The following ASB6 variants were observed in gnomAD, a reference collection of about 807,000 sequenced individuals.
The protein encoded by ASB6 is ankyrin repeat and SOCS box containing 6.
A neutral mutation model predicts 28.6 loss-of-function variants in ASB6; 24 were observed. The observed-to-expected ratio is 0.84, with a 90% CI of 0.61 to 1.18. ASB6 has a LOEUF of 1.18. Ranked by LOEUF, ASB6 falls within the 50% of genes most tolerant of loss-of-function variation. The pLI is 0.00. For synonymous variants in ASB6, 267 were observed against 243.4 expected, an observed-to-expected ratio of 1.10 and a Z score of -0.90; for missense variants, 519 against 559.8, an observed-to-expected ratio of 0.93 and a Z score of 0.74.
At chr9:129,639,578 C>T in intron 2 of ASB6, 70 bp from the exon 3 acceptor site, 1 of 1,370,626 alleles carries the variant, frequency 7.3e-7, no homozygotes, top group Non-Finnish European at 1.0e-6. Context: ...GGACCCAGAG[C>T]CCAGCCCCAA....
chr9:129,639,717 TGGG>T (rs1831647205), intron 2 of ASB6, among the ~76,000 whole-genome samples: 1 of 152,194 alleles, frequency 6.6e-6, no homozygotes, highest in African/African-American at 2.4e-5. Context: ...CTGAAGCTGT[TGGG>T]GGCTTTAGTT....
intron 1 of ASB6, among the ~76,000 whole-genome samples, chr9:129,641,571 G>A (rs575100398): frequency 6.6e-6 from 1 of 152,366 alleles, no homozygotes; most frequent in East Asian, 1.9e-4. Flanking sequence ...AGGCCTCACG[G>A]ATTCCACCCT....
chr9:129,640,765 CG>C, intron 1 of ASB6, 43 bp from the exon 2 acceptor site: 1 of 1,608,056 alleles, frequency 6.2e-7, no homozygotes, highest in Non-Finnish European at 8.5e-7. Flanking sequence ...GCTGTGGGAC[CG>C]GGTGACCGCG....
rs145932765 is a variant in ASB6, at chr9:129,637,992, G to T, written c.1064C>A (p.Ala355Glu). Residue 355 changes from alanine (A) to glutamate (E), a missense_variant, in exon 6 of 6, where the codon GCG becomes GAG. By Grantham distance (107) the Ala-to-Glu change is moderately radical. Coordinates refer to ENST00000277458, the MANE Select transcript of ASB6 (RefSeq NM_017873.4). The stretch of plus-strand genomic sequence containing the variant: ...GAAGTGGAGGGCCTGGATCTTTTCC[G>T]CCAGGCTGCCCACAGGGTGGATATC... ...NFDIHPVGSL[A>E]EKIQALHFSL... 6.2e-7 allele frequency: 1 copy of T among 1,610,338 alleles called. No homozygotes were observed.
chr9:129,640,758 G>C, intron 1 of ASB6, 36 bp from the exon 2 acceptor site: 1 of 1,610,396 alleles, frequency 6.2e-7, no homozygotes, highest in African/African-American at 1.3e-5. Context: ...AGGCACAGCT[G>C]TGGGACCGGG....
At chr9:129,640,217 T>G (rs1831662786) in intron 2 of ASB6, among the ~76,000 whole-genome samples, 1 of 152,080 alleles carries the variant, frequency 6.6e-6, no homozygotes, top group Admixed American at 6.5e-5. Flanking sequence ...TACCTTCCCT[T>G]AGCTCTGGGC....
Position 129,637,816 on chromosome 9 carries a change from T to C in ASB6, c.1240A>G (p.Ser414Gly). Residue 414 changes from serine to glycine, a missense_variant, in exon 6 of 6, where the codon AGT becomes GGT. By Grantham distance (56) the Ser-to-Gly change is moderately conservative. Transcript: ENST00000277458. ...CAGATGTCATCTTCCACGGAGCCAC[T>C]GTGCTCGCTAAGGAGGTACCACTTC... ...RLKWYLLSEH[S>G]GSVEDDI 6.6e-7 allele frequency: 1 copy of C among 1,514,788 alleles called. No individual in the cohort carries two copies. The highest frequency in any genetic ancestry group is 8.8e-7 in the Non-Finnish European group (1 of 1,131,918). 93.8% of individuals were successfully genotyped at this position (1,514,788 alleles called of 1,614,324 possible). A position where few individuals can be genotyped will look rare whatever the true frequency, so the allele number is the denominator to read the frequency against.
At position 129,635,502 on chromosome 9, in the gene ASB6, T is replaced by C. The variant is rs1279800812; in HGVS notation, c.*2288A>G. The C allele has an allele frequency of 1.9e-6, 3 of 1,581,282 alleles. No individual in the cohort carries two copies. Among genetic ancestry groups the C allele is most frequent in the Non-Finnish European group, 1.7e-6 (2 of 1,161,754 alleles). On this transcript the variant is annotated 3_prime_UTR_variant, in exon 6 of 6. Coordinates refer to ENST00000277458, the MANE Select transcript of ASB6 (RefSeq NM_017873.4). ...AGGAGAAACTGAGGAACCACAGTCC[T>C]GGTGGGGGGAGCTGGCAGCTGGGCA...
Position 129,639,410 on chromosome 9 carries a change from T to G in ASB6, c.394A>C (p.Arg132=), listed in dbSNP as rs752452958. 1.9e-6 allele frequency: 3 copies of G among 1,610,706 alleles called. No individual in the cohort carries two copies. In the South Asian group the frequency reaches 3.3e-5, roughly 18 times the overall value. Residue 132 remains arginine, a synonymous_variant, in exon 3 of 6, where the codon AGG becomes CGG. Coordinates refer to ENST00000277458, the MANE Select transcript of ASB6 (RefSeq NM_017873.4). ...LVHHGADVNR[R]DRIHESSPLD... ...CTGGACCTGGCACTTACCCGGTCCC[T>G]CCGATTAACGTCGGCCCCGTGATGC...
At position 129,642,002 on chromosome 9, in the gene ASB6, C is replaced by A. The variant is rs1268774382; in HGVS notation, c.-3G>T. On this transcript the variant is annotated 5_prime_UTR_variant, in exon 1 of 6. Coordinates refer to ENST00000277458, the MANE Select transcript of ASB6 (RefSeq NM_017873.4). This position sits in a 1 kb window ranked among gnomAD's most constrained non-coding sequence, Gnocchi z 4.3. Reference sequence around the variant, plus strand: ...CGGAAGCCGTGCAGGAACGGCATCGCCGCGGGCCCCGCGCAGCAGGGCCGT... The same window carrying A: ...CGGAAGCCGTGCAGGAACGGCATCGACGCGGGCCCCGCGCAGCAGGGCCGT... 1.3e-6 allele frequency: 2 copies of A among 1,591,330 alleles called. No homozygotes were observed. Among genetic ancestry groups the A allele is most frequent in the Non-Finnish European group, 1.7e-6 (2 of 1,169,940 alleles).
Position 129,635,571 on chromosome 9 carries a change from A to G in ASB6, c.*2219T>C. The G allele has an allele frequency of 1.5e-6, 2 of 1,313,210 alleles. No homozygotes were observed. The highest frequency in any genetic ancestry group is 2.1e-6 in the Non-Finnish European group (2 of 953,206). 81.3% of individuals were successfully genotyped at this position (1,313,210 alleles called of 1,614,324 possible). On this transcript the variant is annotated 3_prime_UTR_variant, in exon 6 of 6. Coordinates refer to ENST00000277458, the MANE Select transcript of ASB6 (RefSeq NM_017873.4). ...GGCGGTTCGTGAGTGTCGAGGCACCACTAAATATAGCTGTCTGCCGTCCAC... is the reference window on the plus strand; with the variant it reads ...GGCGGTTCGTGAGTGTCGAGGCACCGCTAAATATAGCTGTCTGCCGTCCAC...
chr9:129,635,589 C>G lies in ASB6; in HGVS notation c.*2201G>C. On this transcript the variant is annotated 3_prime_UTR_variant, in exon 6 of 6. Transcript: ENST00000277458. ...AGGCACCACTAAATATAGCTGTCTG[C>G]CGTCCACTCATTATGCGGGCTCTTC... The G allele has an allele frequency of 8.5e-7, 1 of 1,176,818 alleles. No homozygotes were observed. The highest frequency in any genetic ancestry group is 2.4e-5 in the East Asian group (1 of 42,258). The allele number at this position is 1,176,818 out of a possible 1,614,324, so 72.9% of individuals were successfully genotyped here. A position where few individuals can be genotyped will look rare whatever the true frequency, so the allele number is the denominator to read the frequency against.
Position 129,642,105 on chromosome 9 carries a change from A to C in ASB6, c.-106T>G. Reference sequence around the variant, plus strand: ...GGCCGCGGACCCCACCTGCTCCGCCAGTCCAGCCCCTGCGCCCGGCCGGGT... The same window carrying C: ...GGCCGCGGACCCCACCTGCTCCGCCCGTCCAGCCCCTGCGCCCGGCCGGGT... On this transcript the variant is annotated 5_prime_UTR_variant, in exon 1 of 6. Coordinates refer to ENST00000277458, the MANE Select transcript of ASB6 (RefSeq NM_017873.4). This position sits in a 1 kb window ranked among gnomAD's most constrained non-coding sequence, Gnocchi z 4.3. 2 of 1,361,596 alleles carry C rather than the reference A, an allele frequency of 1.5e-6. No individual in the cohort carries two copies. The highest frequency in any genetic ancestry group is 1.9e-6 in the Non-Finnish European group (2 of 1,057,554). 84.3% of individuals were successfully genotyped at this position (1,361,596 alleles called of 1,614,324 possible). A position where few individuals can be genotyped will look rare whatever the true frequency, so the allele number is the denominator to read the frequency against.
At position 129,635,076 on chromosome 9, in the gene ASB6, C is replaced by G. The variant is rs1831450631; in HGVS notation, c.*2714G>C. 1 of 1,031,928 alleles carries G rather than the reference C, an allele frequency of 9.7e-7. No individual in the cohort carries two copies. The highest frequency in any genetic ancestry group is 1.6e-5 in the African/African-American group (1 of 62,676). The allele number at this position is 1,031,928 out of a possible 1,614,324, so 63.9% of individuals were successfully genotyped here. ...TTAGTAAATCTCTCGGGACTGAGAG[C>G]CAATGAGGCCATGTGTGCACACAAA... On this transcript the variant is annotated 3_prime_UTR_variant, in exon 6 of 6. Coordinates refer to ENST00000277458, the MANE Select transcript of ASB6 (RefSeq NM_017873.4).
rs550471310 is a variant in ASB6 at position 129,635,223 on chromosome 9, A to G, written c.*2567T>C. 1 of 1,610,532 alleles carries G rather than the reference A, an allele frequency of 6.2e-7. No individual in the cohort carries two copies. The highest frequency in any genetic ancestry group is 2.2e-5 in the East Asian group (1 of 44,862). On this transcript the variant is annotated 3_prime_UTR_variant, in exon 6 of 6. Coordinates refer to ENST00000277458, the MANE Select transcript of ASB6 (RefSeq NM_017873.4). ...CCCTCCCCAGGCCACCTCACCGATCAGCACCTGGCCGAGTTCCTGCGGCGC... is the reference window on the plus strand; with the variant it reads ...CCCTCCCCAGGCCACCTCACCGATCGGCACCTGGCCGAGTTCCTGCGGCGC...
At position 129,642,097 on chromosome 9, in the gene ASB6, G is replaced by A. The variant is rs775206393; in HGVS notation, c.-98C>T. 3.6e-6 allele frequency: 5 copies of A among 1,405,254 alleles called. No homozygotes were observed. Among genetic ancestry groups the A allele is most frequent in the African/African-American group, 1.5e-5 (1 of 66,244 alleles). 87.0% of individuals were successfully genotyped at this position (1,405,254 alleles called of 1,614,324 possible). ...GCTCCGGCGGCCGCGGACCCCACCT[G>A]CTCCGCCAGTCCAGCCCCTGCGCCC... On this transcript the variant is annotated 5_prime_UTR_variant, in exon 1 of 6. Coordinates refer to ENST00000277458, the MANE Select transcript of ASB6 (RefSeq NM_017873.4). The surrounding 1 kb of genome is among the most constrained non-coding windows in gnomAD (Gnocchi z 4.3).
rs767241650 is a variant in ASB6, at chr9:129,638,202, G to A, written c.854C>T (p.Ala285Val). 4 of 1,613,422 alleles carry A rather than the reference G, an allele frequency of 2.5e-6. No individual in the cohort carries two copies. Among genetic ancestry groups the A allele is most frequent in the Non-Finnish European group, 3.4e-6 (4 of 1,179,790 alleles). The change falls in exon 6 of 6, where the codon GCC becomes GTC. Residue 285 changes from alanine to valine, a missense_variant. Transcript: ENST00000277458. ...PLLRFLLESGAAYNCSLHGAS... is the reference protein window; with the variant it reads ...PLLRFLLESGVAYNCSLHGAS... ...ACCGTGCAGGGAGCAGTTGTAGGCGGCTCCGGACTCCAGGAGGAAGCGCAG... is the reference window on the plus strand; with the variant it reads ...ACCGTGCAGGGAGCAGTTGTAGGCGACTCCGGACTCCAGGAGGAAGCGCAG...
intron 1 of ASB6, chr9:129,640,941 T>G (rs916802492): frequency 3.5e-6 from 2 of 564,532 alleles, no homozygotes; most frequent in Admixed American, 6.9e-5. Flanking sequence ...GGGCTGGGTC[T>G]GTCTGCGCTC....
rs1417984831 is a variant in ASB6 at position 129,638,602 on chromosome 9, G to T, written c.569C>A (p.Thr190Asn). 1 of 1,614,024 alleles carries T rather than the reference G, an allele frequency of 6.2e-7. No individual in the cohort carries two copies. Among genetic ancestry groups the T allele is most frequent in the African/African-American group, 1.3e-5 (1 of 75,068 alleles). ...ASSDGVQIHN[T>N]ENIRLLLEGG... is the part of the protein sequence containing the mutation. Reference sequence around the variant, plus strand: ...TTCCAGTAAGAGACGAATGTTCTCAGTATTGTGGATCTGCACCCCGTCGCT... The same window carrying T: ...TTCCAGTAAGAGACGAATGTTCTCATTATTGTGGATCTGCACCCCGTCGCT... The change falls in exon 5 of 6, where the codon ACT becomes AAT. Residue 190 changes from threonine to asparagine, a missense_variant. Physicochemically the swap from Thr to Asn is moderately conservative, Grantham distance 65. Coordinates refer to ENST00000277458, the MANE Select transcript of ASB6 (RefSeq NM_017873.4).
Sources: allele counts gnomAD v4.1 joint callset (sites outside exome capture counted in the v4.1 genomes callset), GRCh38; gene constraint gnomAD v4.1.1; non-coding constraint Gnocchi (gnomAD v3.1); transcripts MANE v1.5; gene names NCBI Gene and HGNC (gene_info 2026-07-23, HGNC 2026-07-21).